Variants in NCAM1 observed in about 807,000 individuals in gnomAD.
NCAM1 encodes the protein neural cell adhesion molecule 1, also known as antigen recognized by monoclonal antibody 5.1H11.
Under a neutral mutation model 109.8 loss-of-function variants are expected in NCAM1, and 14 were observed. The observed-to-expected ratio is 0.13, with a 90% CI of 0.08 to 0.20. The LOEUF is 0.20. NCAM1 is among the 10% of genes least tolerant of loss of function. NCAM1 has a pLI of 1.00. For synonymous variants in NCAM1, 418 were observed against 442.9 expected (o/e 0.94, Z 0.70); for missense variants, 774 against 1,109.9 (o/e 0.70, Z 4.30).
chr11:113,263,614 G>A (rs1323394603), intron 17 of NCAM1: 35 of 985,372 alleles, frequency 3.6e-5, no homozygotes, highest in African/African-American at 1.4e-4. Context: ...CTCTGTGAAC[G>A]GGGCCAAGCC....
At chr11:113,171,890 A>G (rs1943007168) in intron 1 of NCAM1, among the ~76,000 whole-genome samples, 1 of 152,158 alleles carries the variant, frequency 6.6e-6, no homozygotes, top group Admixed American at 6.5e-5. Flanking sequence ...GTGAAGTTCT[A>G]CTGGAATAGG....
At chr11:112,964,203 A>C (rs1368048491) in intron 1 of NCAM1, among the ~76,000 whole-genome samples, 2 of 127,520 alleles carry the variant, frequency 1.6e-5, no homozygotes, top group African/African-American at 6.2e-5. Context: ...GTGGTAACTG[A>C]GTTTGTGTGC....
At chr11:113,217,795 C>T (rs902169968) in intron 8 of NCAM1, among the ~76,000 whole-genome samples, 2 of 152,198 alleles carry the variant, frequency 1.3e-5, no homozygotes, top group East Asian at 3.8e-4. Context: ...CAGCTCAGTG[C>T]TTCTCAACAG....
intron 1 of NCAM1, among the ~76,000 whole-genome samples, chr11:113,041,614 A>G (rs1202373742): frequency 6.6e-6 from 1 of 152,232 alleles, no homozygotes; most frequent in African/African-American, 2.4e-5. Context: ...TAATAGGAAC[A>G]TTTAATGAAA....
At chr11:113,209,347 CAGTT>C (rs1440696787) in intron 7 of NCAM1, among the ~76,000 whole-genome samples, 1 of 152,192 alleles carries the variant, frequency 6.6e-6, no homozygotes, top group African/African-American at 2.4e-5. Flanking sequence ...AACAGGCTAT[CAGTT>C]AGGTTCAAGT....
intron 1 of NCAM1, among the ~76,000 whole-genome samples, chr11:113,006,406 T>G (rs2135052233): frequency 6.6e-6 from 1 of 152,338 alleles, no homozygotes; most frequent in Non-Finnish European, 1.5e-5. Flanking sequence ...GTTTTTAATT[T>G]TAATCACTGT....
chr11:113,165,642 C>T (rs1363693720), intron 1 of NCAM1, among the ~76,000 whole-genome samples: 2 of 152,070 alleles, frequency 1.3e-5, no homozygotes, highest in African/African-American at 4.8e-5. Context: ...ACCCTTACGA[C>T]CCTATTGTCC....
Position 113,194,155 on chromosome 11 carries a change from G to C in NCAM1, c.53-8224G>C, listed in dbSNP as rs140373152. The stretch of plus-strand genomic sequence containing the variant: ...AGAGCCTCCTGCTTCTGGCTAGTTG[G>C]TTTCTGTTGTTTGGTTACTAGAGTT... On this transcript the variant is annotated intron_variant, in intron 1 of 19. Coordinates refer to ENST00000316851, the MANE Select transcript of NCAM1 (RefSeq NM_181351.5). Among the ~76,000 whole-genome samples, 1,138 of 152,232 alleles carry C rather than the reference G, an allele frequency of 7.5e-3. 7 individuals are homozygous for C. The highest frequency in any genetic ancestry group is 0.011 in the Non-Finnish European group (766 of 68,020).
At chr11:113,028,374 C>T (rs1403999901) in intron 1 of NCAM1, among the ~76,000 whole-genome samples, 5 of 151,916 alleles carry the variant, frequency 3.3e-5, no homozygotes, top group Non-Finnish European at 7.4e-5. Context: ...AATGGGAAGC[C>T]GCTTTGTGTA....
chr11:113,160,102 G>A (rs1188848652), intron 1 of NCAM1, among the ~76,000 whole-genome samples: 2 of 151,984 alleles, frequency 1.3e-5, no homozygotes, highest in Non-Finnish European at 1.5e-5. Flanking sequence ...CCCATGCCTG[G>A]AGAGACTGTG....
intron 1 of NCAM1, among the ~76,000 whole-genome samples, chr11:113,144,567 A>T (rs1941945699): frequency 6.6e-6 from 1 of 152,202 alleles, no homozygotes; most frequent in Non-Finnish European, 1.5e-5. Context: ...AAAAGCCCTT[A>T]ATTTACAGTA....
chr11:113,123,890 AG>A (rs782540682), intron 1 of NCAM1, among the ~76,000 whole-genome samples: 1 of 152,094 alleles, frequency 6.6e-6, no homozygotes, highest in Non-Finnish European at 1.5e-5. Context: ...CGCTCATCCT[AG>A]CCTTTGCTAG....
rs962217898 is a variant in NCAM1, at chr11:113,232,888, T to A, written c.1522+74T>A. The A allele has an allele frequency of 3.0e-6, 4 of 1,326,234 alleles. No homozygotes were observed. In the African/African-American group the frequency reaches 4.3e-5, roughly 14 times the overall value. The allele number at this position is 1,326,234 out of a possible 1,614,324, so 82.2% of individuals were successfully genotyped here. A position where few individuals can be genotyped will look rare whatever the true frequency, so the allele number is the denominator to read the frequency against. Reference sequence around the variant, plus strand: ...AACCCTGCCAGCCCAATTTGTGTACTTGAGTGATTCCAGGATATTGGGAAG... The same window carrying A: ...AACCCTGCCAGCCCAATTTGTGTACATGAGTGATTCCAGGATATTGGGAAG... On this transcript the variant is annotated intron_variant, in intron 12 of 19. Transcript: ENST00000316851.
At chr11:113,124,066 A>G (rs1165234783) in intron 1 of NCAM1, among the ~76,000 whole-genome samples, 1 of 152,150 alleles carries the variant, frequency 6.6e-6, no homozygotes, top group Admixed American at 6.5e-5. Context: ...CTCCAAAGTA[A>G]TTCTCTTAGA....
intron 1 of NCAM1, among the ~76,000 whole-genome samples, chr11:113,010,975 A>G (rs1239954145): frequency 1.3e-5 from 2 of 151,942 alleles, no homozygotes; most frequent in East Asian, 3.9e-4. Context: ...TTTTTTTTTA[A>G]CTATACTTTA....
intron 1 of NCAM1, among the ~76,000 whole-genome samples, chr11:113,048,547 T>A (rs1161416513): frequency 6.6e-6 from 1 of 152,232 alleles, no homozygotes; most frequent in Non-Finnish European, 1.5e-5. Flanking sequence ...ATCCTGATGA[T>A]CCATCCATCT....
At position 113,274,078 on chromosome 11, in the gene NCAM1, TATC is replaced by T. The variant is rs1555126081; in HGVS notation, c.2457-1187_2457-1185del. 1.3e-5 allele frequency among the ~76,000 whole-genome samples: 2 copies of T among 152,188 alleles called. No individual in the cohort carries two copies. Among genetic ancestry groups the T allele is most frequent in the African/African-American group, 4.8e-5 (2 of 41,454 alleles). ...CAGGCTAAGAAGGCCAAGGTGCCCT[TATC>T]AGCCACCCTGGGGCCCCCAGTCGGT... On this transcript the variant is annotated intron_variant, in intron 19 of 19. Transcript: ENST00000316851. This position sits in a 1 kb window ranked among gnomAD's most constrained non-coding sequence, Gnocchi z 4.1.
chr11:113,086,593 T>G (rs1415051439), intron 1 of NCAM1, among the ~76,000 whole-genome samples: 2 of 152,180 alleles, frequency 1.3e-5, no homozygotes, highest in African/African-American at 4.8e-5. Context: ...GTGTTAAAAG[T>G]TCATTCATTA....
intron 1 of NCAM1, among the ~76,000 whole-genome samples, chr11:113,060,384 C>G (rs1555083285): frequency 6.6e-6 from 1 of 152,150 alleles, no homozygotes; most frequent in African/African-American, 2.4e-5. Context: ...ACTTAAAAGT[C>G]CTAATTCAGG....
Sources: gnomAD v4.1 joint callset for allele counts (sites outside exome capture counted in the v4.1 genomes callset) on GRCh38, gnomAD v4.1.1 for gene constraint, Gnocchi (gnomAD v3.1) non-coding constraint, MANE v1.5 for transcripts, NCBI Gene and HGNC (gene_info 2026-07-23, HGNC 2026-07-21) for gene names.